Variants in RAB4A observed in about 807,000 individuals in gnomAD.
RAB4A encodes RAB4A, member RAS oncogene family.
RAB4A carries 20 observed loss-of-function variants against 34.5 expected under a neutral mutation model. That is an observed-to-expected ratio of 0.58 (90% CI 0.41 to 0.84). The LOEUF is 0.84. RAB4A is among the 40% of genes least tolerant of loss of function. The pLI, the probability that RAB4A is intolerant of heterozygous loss-of-function variation, is 0.00. For synonymous variants in RAB4A, 102 were observed against 100.0 expected, an observed-to-expected ratio of 1.02 and a Z score of -0.12; for missense variants, 228 against 274.5, an observed-to-expected ratio of 0.83 and a Z score of 1.20.
At chr1:229,290,825 C>T (rs1657051120) in intron 3 of RAB4A, among the ~76,000 whole-genome samples, 1 of 152,044 alleles carries the variant, frequency 6.6e-6, no homozygotes, top group East Asian at 1.9e-4. Flanking sequence ...AAAGAATCCT[C>T]CAGAATTAAT....
At chr1:229,299,552 C>T (rs1440744992) in intron 6 of RAB4A, among the ~76,000 whole-genome samples, 5 of 152,024 alleles carry the variant, frequency 3.3e-5, no homozygotes, top group South Asian at 2.1e-4. Context: ...ACTGAGCATG[C>T]CTCAATTATA....
At chr1:229,299,391 T>C (rs1427007901) in intron 6 of RAB4A, among the ~76,000 whole-genome samples, 3 of 152,176 alleles carry the variant, frequency 2.0e-5, no homozygotes, top group Non-Finnish European at 4.4e-5. Flanking sequence ...GGAGGAAGAA[T>C]AGGCCTTTGT....
chr1:229,289,810 C>G (rs573266452), intron 3 of RAB4A, among the ~76,000 whole-genome samples: 2 of 152,238 alleles, frequency 1.3e-5, no homozygotes, highest in African/African-American at 4.8e-5. Flanking sequence ...GAGCAAAACT[C>G]CATCTCAAAA....
intron 1 of RAB4A, among the ~76,000 whole-genome samples, chr1:229,275,606 T>C (rs762662870): frequency 1.5e-4 from 23 of 150,600 alleles, no homozygotes; most frequent in Admixed American, 2.0e-4. Flanking sequence ...GAAATAGCAT[T>C]TCTTTTCCTT....
intron 1 of RAB4A, among the ~76,000 whole-genome samples, chr1:229,273,080 CT>C (rs1656538870): frequency 6.6e-6 from 1 of 152,164 alleles, no homozygotes; most frequent in African/African-American, 2.4e-5. Flanking sequence ...GGCTTAGTTT[CT>C]TTAACCTGAG....
At chr1:229,272,061 G>A (rs559855773) in intron 1 of RAB4A, among the ~76,000 whole-genome samples, 7 of 151,760 alleles carry the variant, frequency 4.6e-5, no homozygotes, top group African/African-American at 1.7e-4. Flanking sequence ...ACCTGGAGGT[G>A]CTTGACAAAT....
intron 1 of RAB4A, among the ~76,000 whole-genome samples, chr1:229,274,187 G>A (rs1205326099): frequency 1.3e-5 from 2 of 150,832 alleles, no homozygotes; most frequent in African/African-American, 2.4e-5. Flanking sequence ...TGAGTAGCTG[G>A]GACCACAGGT....
chr1:229,305,301 TA>T lies in RAB4A; in HGVS notation c.*1509del. ...ATTTTATTCAATGTCTCATTTATGA[TA>T]GATTTGCAAGCTGCTCATTTTTGAA... is the stretch of plus-strand genomic sequence containing the variant. On this transcript the variant is annotated 3_prime_UTR_variant, in exon 8 of 8. Transcript: ENST00000366690. The T allele has an allele frequency of 6.3e-7, 1 of 1,588,412 alleles. No individual in the cohort carries two copies. Among genetic ancestry groups the T allele is most frequent in the Non-Finnish European group, 8.5e-7 (1 of 1,170,366 alleles).
At chr1:229,274,099 C>T (rs1656575628) in intron 1 of RAB4A, among the ~76,000 whole-genome samples, 1 of 126,394 alleles carries the variant, frequency 7.9e-6, no homozygotes, top group Admixed American at 1.0e-4. Context: ...GTCACCCATG[C>T]TGGAGTGCAG....
chr1:229,284,934 C>G (rs1656884800), intron 1 of RAB4A, among the ~76,000 whole-genome samples: 1 of 152,160 alleles, frequency 6.6e-6, no homozygotes, highest in Non-Finnish European at 1.5e-5. Flanking sequence ...GTACTGCCTA[C>G]TGGTAATCTC....
chr1:229,275,765 C>T (rs1248188790), intron 1 of RAB4A, among the ~76,000 whole-genome samples: 1 of 151,770 alleles, frequency 6.6e-6, no homozygotes, highest in Non-Finnish European at 1.5e-5. Context: ...GGACTACAGG[C>T]GCCCGCCACC....
chr1:229,296,555 A>G (rs1657254268), intron 4 of RAB4A, among the ~76,000 whole-genome samples: 1 of 152,248 alleles, frequency 6.6e-6, no homozygotes, highest in Non-Finnish European at 1.5e-5. Flanking sequence ...GGTGACTACC[A>G]TATCAGGACA....
At chr1:229,271,462 T>G in intron 1 of RAB4A, 92 bp downstream of exon 1, 1 of 1,041,730 alleles carries the variant, frequency 9.6e-7, no homozygotes, top group Non-Finnish European at 1.2e-6. Context: ...GTCTTGAGGG[T>G]GGCGGTGGCG....
chr1:229,294,513 A>G (rs186868888), intron 3 of RAB4A, among the ~76,000 whole-genome samples: 1 of 152,358 alleles, frequency 6.6e-6, no homozygotes, highest in Admixed American at 6.5e-5. Flanking sequence ...GGTGAAGAAG[A>G]GGAAGCTGCA....
chr1:229,278,378 A>G (rs528008538), intron 1 of RAB4A, among the ~76,000 whole-genome samples: 122 of 152,182 alleles, frequency 8.0e-4, no homozygotes, highest in Non-Finnish European at 1.3e-3. Flanking sequence ...CTGGGTACTC[A>G]GTAATACTTA....
At chr1:229,283,347 G>A (rs573227656) in intron 1 of RAB4A, among the ~76,000 whole-genome samples, 1 of 152,350 alleles carries the variant, frequency 6.6e-6, no homozygotes, top group South Asian at 2.1e-4. Flanking sequence ...TGGGGATATT[G>A]ATATGCCCGG....
chr1:229,285,591 G>A (rs915044151), intron 1 of RAB4A, among the ~76,000 whole-genome samples: 1 of 152,112 alleles, frequency 6.6e-6, no homozygotes, highest in Admixed American at 6.5e-5. Context: ...AGCCTTTGAG[G>A]CCACAGAAGG....
intron 6 of RAB4A, among the ~76,000 whole-genome samples, chr1:229,300,786 C>T (rs1657365113): frequency 6.6e-6 from 1 of 151,984 alleles, no homozygotes; most frequent in African/African-American, 2.4e-5. Flanking sequence ...TATATAGGAA[C>T]AGCTAAAACT....
chr1:229,274,021 G>A (rs1404783316), intron 1 of RAB4A, among the ~76,000 whole-genome samples: 2 of 150,826 alleles, frequency 1.3e-5, no homozygotes, highest in Non-Finnish European at 2.9e-5. Context: ...GAGAGATGAG[G>A]AATGAAATGT....
Sources: gnomAD v4.1 joint callset for allele counts (sites outside exome capture counted in the v4.1 genomes callset) on GRCh38, gnomAD v4.1.1 for gene constraint, MANE v1.5 for transcripts, NCBI Gene and HGNC (gene_info 2026-07-23, HGNC 2026-07-21) for gene names.